Variants in LRIG1 observed in about 807,000 individuals in gnomAD.
The protein encoded by LRIG1 is leucine-rich repeats and immunoglobulin-like domains protein 1.
In LRIG1, 48 loss-of-function variants were observed where a neutral mutation model predicts 99.2. That is an observed-to-expected ratio of 0.48 (90% CI 0.38 to 0.62). The LOEUF (loss-of-function observed/expected upper bound fraction) is 0.62, where lower values mean the gene tolerates loss of function less well. Among genes scored for constraint, LRIG1 ranks in the 20% least tolerant of loss-of-function variants. The pLI, the probability that LRIG1 is intolerant of heterozygous loss-of-function variation, is 0.00. For synonymous variants in LRIG1, 772 were observed against 596.1 expected (o/e 1.29, Z -4.30); for missense variants, 1,646 against 1,434.4 (o/e 1.15, Z -2.38).
Position 66,380,826 on chromosome 3 carries a change from T to C in LRIG1, c.2806A>G (p.Thr936Ala), listed in dbSNP as rs1189317299. The change falls in exon 18 of 19, where the codon ACC becomes GCC. Residue 936 changes from threonine (T) to alanine (A), a missense_variant. By Grantham distance (58) the Thr-to-Ala change is moderately conservative (BLOSUM62 0). Coordinates refer to ENST00000273261, the MANE Select transcript of LRIG1 (RefSeq NM_015541.3). ...CCCCTGGAGTAACAGTCCACTTCGGTGTTGCAGTCACTGCATACGACCCGG... is the reference window on the plus strand; with the variant it reads ...CCCCTGGAGTAACAGTCCACTTCGGCGTTGCAGTCACTGCATACGACCCGG... ...GGRVVCSDCN[T>A]EVDCYSRGQA... The C allele has an allele frequency of 6.2e-7, 1 of 1,614,154 alleles. No individual in the cohort carries two copies. The highest frequency in any genetic ancestry group is 8.5e-7 in the Non-Finnish European group (1 of 1,180,020).
rs751513776 is a variant in LRIG1, at chr3:66,414,934, G to C, written c.633C>G (p.Pro211=). The part of the protein sequence containing the change: ...TQLPVRAFKL[P]RLTQLDLNRN... ...TCTGTACTCACAGTTGTGTCAGCCT[G>C]GGTAGCTTGAATGCTCTTACAGGAA... The change falls in exon 5 of 19, where the codon CCC becomes CCG. Residue 211 remains proline, a synonymous_variant. Transcript: ENST00000273261. The C allele has an allele frequency of 5.0e-6, 8 of 1,607,256 alleles. No individual in the cohort carries two copies. In the Admixed American group the frequency reaches 1.0e-4, roughly 21 times the overall value.
At chr3:66,390,943 T>TA (rs887887276) in intron 12 of LRIG1, among the ~76,000 whole-genome samples, 2 of 152,024 alleles carry the variant, frequency 1.3e-5, no homozygotes, top group African/African-American at 4.8e-5. Context: ...CCAGAATACA[T>TA]AAAGAACTTT....
intron 13 of LRIG1, 23 bp from the exon 14 acceptor site, chr3:66,384,295 G>A: frequency 6.3e-7 from 1 of 1,598,834 alleles, no homozygotes; most frequent in Non-Finnish European, 8.6e-7. Context: ...CGTATACAGG[G>A]TCGGGTTACG....
rs1701369045 is a variant in LRIG1 at position 66,386,260 on chromosome 3, T to C, written c.1510A>G (p.Thr504Ala). Residue 504 changes from threonine (T) to alanine (A), a missense_variant, in exon 13 of 19, where the codon ACC becomes GCC. Thr to Ala is a moderately conservative substitution (Grantham distance 58, BLOSUM62 0). Coordinates refer to ENST00000273261, the MANE Select transcript of LRIG1 (RefSeq NM_015541.3). ...KPQIITQPET[T>A]MAMVGKDIRF... Reference sequence around the variant, plus strand: ...ATGTCCTTGCCCACCATAGCCATGGTGGTTTCTGGCTGGGTGATGATCTGT... The same window carrying C: ...ATGTCCTTGCCCACCATAGCCATGGCGGTTTCTGGCTGGGTGATGATCTGT... The C allele has an allele frequency of 6.2e-7, 1 of 1,613,982 alleles. No individual in the cohort carries two copies. Among genetic ancestry groups the C allele is most frequent in the Admixed American group, 1.7e-5 (1 of 60,004 alleles).
intron 3 of LRIG1, among the ~76,000 whole-genome samples, chr3:66,436,175 C>T (rs540587743): frequency 9.8e-5 from 15 of 152,324 alleles, no homozygotes; most frequent in African/African-American, 1.2e-4. Context: ...TGTCATCCAG[C>T]CCTGTGTCTT....
chr3:66,383,191 T>C lies in LRIG1; in HGVS notation c.2282A>G (p.Tyr761Cys). Residue 761 changes from tyrosine (Y) to cysteine (C), a missense_variant, in exon 15 of 19, where the codon TAT becomes TGT. Transcript: ENST00000273261. ...QNVVAEDAGR[Y>C]TCEMSNTLGT... ...CAGGGTGTTGGACATCTCACAGGTATATCGGCCCGCATCCTCTGCCACCAC... is the reference window on the plus strand; with the variant it reads ...CAGGGTGTTGGACATCTCACAGGTACATCGGCCCGCATCCTCTGCCACCAC... 1 of 1,614,222 alleles carries C rather than the reference T, an allele frequency of 6.2e-7. No homozygotes were observed. Among genetic ancestry groups the C allele is most frequent in the East Asian group, 2.2e-5 (1 of 44,866 alleles).
At chr3:66,385,952 G>A (rs2107938385) in intron 13 of LRIG1, 29 bp downstream of exon 13, 2 of 1,588,748 alleles carry the variant, frequency 1.3e-6, no homozygotes, top group Non-Finnish European at 8.6e-7. Flanking sequence ...TAGGATTCTG[G>A]TACTATAACA....
At chr3:66,481,378 T>C (rs1219543860) in intron 1 of LRIG1, among the ~76,000 whole-genome samples, 3 of 152,234 alleles carry the variant, frequency 2.0e-5, no homozygotes, top group South Asian at 2.1e-4. Context: ...TTCATTAATA[T>C]ATAATCAGAA....
chr3:66,453,982 TG>T (rs1703989883), intron 2 of LRIG1, among the ~76,000 whole-genome samples: 1 of 152,212 alleles, frequency 6.6e-6, no homozygotes, highest in Non-Finnish European at 1.5e-5. Context: ...ACAGAACTGC[TG>T]GAAGTGGAGC....
At chr3:66,417,055 A>T in intron 4 of LRIG1, 74 bp downstream of exon 4, 1 of 1,567,306 alleles carries the variant, frequency 6.4e-7, no homozygotes, top group Non-Finnish European at 8.7e-7. Context: ...TGCATCCAGA[A>T]CTGGGTGCCG....
At chr3:66,428,638 T>C (rs962973801) in intron 3 of LRIG1, among the ~76,000 whole-genome samples, 1 of 152,194 alleles carries the variant, frequency 6.6e-6, no homozygotes, top group African/African-American at 2.4e-5. Flanking sequence ...CGGAAGAGCT[T>C]TCCTAATCCA....
chr3:66,428,768 C>T (rs1436779463), intron 3 of LRIG1, among the ~76,000 whole-genome samples: 1 of 152,232 alleles, frequency 6.6e-6, no homozygotes, highest in East Asian at 1.9e-4. Flanking sequence ...AGAAATTGAT[C>T]ATTTACTCAA....
At chr3:66,387,941 CAAAAAAAAA>C (rs35658477) in intron 12 of LRIG1, 2 of 117,178 alleles carry the variant, frequency 1.7e-5, no homozygotes, top group Non-Finnish European at 3.6e-5. Context: ...ACTAAAAATA[CAAAAAAAAA>C]AAAAAAATTA....
chr3:66,450,631 T>C (rs559386404), intron 3 of LRIG1, among the ~76,000 whole-genome samples: 14 of 152,308 alleles, frequency 9.2e-5, no homozygotes, highest in African/African-American at 3.4e-4. Context: ...GCACTCTTAT[T>C]AATAGCACCT....
At chr3:66,383,535 T>C in intron 14 of LRIG1, 134 bp from the exon 15 acceptor site, 1 of 821,508 alleles carries the variant, frequency 1.2e-6, no homozygotes. Context: ...GTGGCAAGCT[T>C]TGGAGAAGAC....
intron 11 of LRIG1, among the ~76,000 whole-genome samples, chr3:66,395,800 G>A (rs1046078648): frequency 1.3e-5 from 2 of 152,150 alleles, no homozygotes; most frequent in Admixed American, 6.5e-5. Flanking sequence ...GGCTGGCTGC[G>A]CCAGGCATGG....
Position 66,434,495 on chromosome 3 carries a change from C to T in LRIG1, c.365+17064G>A, listed in dbSNP as rs774223514. On this transcript the variant is annotated intron_variant, in intron 3 of 18. Transcript: ENST00000273261. ...GGCGCGGTAGCTCACACCTGTAATC[C>T]CAGTACTTTGGGAGGCTGAGGCGGG... 4.9e-4 allele frequency among the ~76,000 whole-genome samples: 74 copies of T among 152,124 alleles called. 1 individual carries two copies. Among genetic ancestry groups the T allele is most frequent in the Admixed American group, 1.3e-4 (2 of 15,284 alleles).
chr3:66,482,396 C>G lies in LRIG1; in HGVS notation c.218+17794G>C, dbSNP rs1047803562. ...GCTGAGCATCAACAAAGGAAGGAAA[C>G]TGAAAAAGGAAATATCTGGGAGTAT... On this transcript the variant is annotated intron_variant, in intron 1 of 18. Transcript: ENST00000273261. Among the ~76,000 whole-genome samples the G allele has an allele frequency of 3.9e-5, 6 of 152,142 alleles. No homozygotes were observed. In the South Asian group the frequency reaches 8.3e-4, roughly 21 times the overall value.
Position 66,380,494 on chromosome 3 carries a change from A to G in LRIG1, c.3056-5T>C. The stretch of plus-strand genomic sequence containing the variant: ...CTAAAGTCCAGGAAGAATCCCCTAC[A>G]AGGAAAGAACGAACCTGTCAGACCC... On this transcript the variant is annotated splice_region_variant and splice_polypyrimidine_tract_variant and intron_variant, in intron 18 of 18. Transcript: ENST00000273261. The G allele has an allele frequency of 6.2e-7, 1 of 1,614,148 alleles. No individual in the cohort carries two copies. The highest frequency in any genetic ancestry group is 8.5e-7 in the Non-Finnish European group (1 of 1,180,004).
Sources: gnomAD v4.1 joint callset for allele counts (sites outside exome capture counted in the v4.1 genomes callset) on GRCh38, gnomAD v4.1.1 for gene constraint, MANE v1.5 for transcripts, NCBI Gene and HGNC (gene_info 2026-07-23, HGNC 2026-07-21) for gene names.